Variants in NACA observed in about 807,000 individuals in gnomAD.
NACA encodes nascent polypeptide associated complex subunit alpha.
NACA carries 42 observed loss-of-function variants against 86.4 expected under a neutral mutation model. That is an observed-to-expected ratio of 0.49 (90% CI 0.38 to 0.63). The LOEUF (loss-of-function observed/expected upper bound fraction) is 0.63. NACA is among the 20% of genes least tolerant of loss of function. The pLI is 0.00. For synonymous variants in NACA, 898 were observed against 973.7 expected, an observed-to-expected ratio of 0.92 and a Z score of 1.45; for missense variants, 2,157 against 2,483.6, an observed-to-expected ratio of 0.87 and a Z score of 2.80.
chr12:56,714,725 A>C, intron 3 of NACA, 38 bp from the exon 4 acceptor site: 1 of 1,586,436 alleles, frequency 6.3e-7, no homozygotes. Context: ...TTATAGTAGA[A>C]ATTATAAGAG....
chr12:56,721,905 ACT>A (rs1220727440), intron 2 of NACA, among the ~76,000 whole-genome samples: 3 of 152,292 alleles, frequency 2.0e-5, no homozygotes, highest in Middle Eastern at 3.4e-3. Context: ...CAGCTGTGCT[ACT>A]CTGTCCACCC....
chr12:56,719,485 G>A lies in NACA; in HGVS notation c.2045C>T (p.Ser682Phe), dbSNP rs777704916. The A allele has an allele frequency of 1.3e-5, 21 of 1,613,912 alleles. No homozygotes were observed. The highest frequency in any genetic ancestry group is 1.8e-5 in the Non-Finnish European group (21 of 1,179,854). Residue 682 changes from serine (S) to phenylalanine (F), a missense_variant, in exon 3 of 9, where the codon TCT (serine) becomes TTT (phenylalanine). By Grantham distance (155) the Ser-to-Phe change is radical. This residue lies in a region of NACA where 947 missense variants were observed against 917.9 expected (regional missense o/e 1.03). Transcript: ENST00000454682. ...AACTGGGTGGTTTTTAGGAGCTAAA[G>A]AGACAGTTCCTTCTAGAAAAGGGCT... ...TASPFLEGTV[S>F]LAPKNHPVKE... is the part of the protein sequence containing the mutation.
chr12:56,716,909 T>G lies in NACA; in HGVS notation c.4621A>C (p.Thr1541Pro). The G allele has an allele frequency of 2.3e-6, 3 of 1,309,308 alleles. No individual in the cohort carries two copies. Among genetic ancestry groups the G allele is most frequent in the Non-Finnish European group, 2.0e-6 (2 of 1,009,522 alleles). The allele number at this position is 1,309,308 out of a possible 1,614,324, so 81.1% of individuals were successfully genotyped here. ...ATGAGGGCCTCTTTGGGGGCTAGAG[T>G]TGCTGGGGTCTTTTTAGAGAGAAGA... Reference protein sequence around the residue: ...ATLLSKKTPATLAPKEALIPP... With the variant: ...ATLLSKKTPAPLAPKEALIPP... Residue 1541 changes from threonine (T) to proline (P), a missense_variant, in exon 3 of 9, where the codon ACT becomes CCT. Thr to Pro is a conservative substitution (Grantham distance 38). Transcript: ENST00000454682.
Position 56,717,180 on chromosome 12 carries a change from TGAA to T in NACA, c.4347_4349del (p.Ser1450del), listed in dbSNP as rs759613700. 16 of 1,265,508 alleles carry T rather than the reference TGAA, an allele frequency of 1.3e-5. No individual in the cohort carries two copies. The highest frequency in any genetic ancestry group is 3.2e-5 in the Admixed American group (1 of 31,384). The allele number at this position is 1,265,508 out of a possible 1,614,324, so 78.4% of individuals were successfully genotyped here. On this transcript the variant is annotated inframe_deletion, in exon 3 of 9. Transcript: ENST00000454682. ...GGGTAGCTGGGCCTCCTTTGGGGGCTGAAGTTGCTGGGGCCTTTTTGAGGGAGA... is the reference window on the plus strand; with the variant it reads ...GGGTAGCTGGGCCTCCTTTGGGGGCTGTTGCTGGGGCCTTTTTGAGGGAGA...
In NACA at chr12:56,721,034, C is replaced by T; in HGVS notation, c.496G>A (p.Val166Ile). 6.2e-7 allele frequency: 1 copy of T among 1,613,970 alleles called. No individual in the cohort carries two copies. The highest frequency in any genetic ancestry group is 2.2e-5 in the East Asian group (1 of 44,884). Residue 166 changes from valine to isoleucine, a missense_variant, in exon 3 of 9, where the codon GTA becomes ATA. Transcript: ENST00000454682. ...GTTATCACTGACCCTGACTCAGCTACAGCCACTGAAGGAGGTGAAGTAAGA... is the reference window on the plus strand; with the variant it reads ...GTTATCACTGACCCTGACTCAGCTATAGCCACTGAAGGAGGTGAAGTAAGA... ...NLLTSPPSVAVAESGSVITLS... is the reference protein window; with the variant it reads ...NLLTSPPSVAIAESGSVITLS...
chr12:56,724,769 C>T (rs1953667208), intron 1 of NACA: 1 of 507,832 alleles, frequency 2.0e-6, no homozygotes, highest in Non-Finnish European at 3.5e-6. Flanking sequence ...CGGGCTGGCT[C>T]TCGATCATGG....
chr12:56,717,546 G>C lies in NACA; in HGVS notation c.3984C>G (p.Pro1328=). The C allele has an allele frequency of 1.5e-6, 2 of 1,303,184 alleles. No homozygotes were observed. The highest frequency in any genetic ancestry group is 2.0e-6 in the Non-Finnish European group (2 of 1,004,626). The allele number at this position is 1,303,184 out of a possible 1,614,324, so 80.7% of individuals were successfully genotyped here. The change falls in exon 3 of 9, where the codon CCC becomes CCG. Residue 1328 remains proline (P), a synonymous_variant. Transcript: ENST00000454682. ...CTGGGGGAGTGGGGGCCCCTTTGGGGGGTGGGGTACCTGGGCTTCCTTTTG... is the reference window on the plus strand; with the variant it reads ...CTGGGGGAGTGGGGGCCCCTTTGGGCGGTGGGGTACCTGGGCTTCCTTTTG... ...PSPKGSPGTP[P]PKGAPTPPAV...
chr12:56,720,593 G>T lies in NACA; in HGVS notation c.937C>A (p.His313Asn), dbSNP rs765729639. 16 of 1,613,872 alleles carry T rather than the reference G, an allele frequency of 9.9e-6. No homozygotes were observed. The South Asian group carries it at 1.8e-4, about 18-fold the overall frequency. Residue 313 changes from histidine to asparagine, a missense_variant, in exon 3 of 9, where the codon CAT becomes AAT. Around this residue, in one of 8 missense-constraint regions of NACA, gnomAD observed 947 missense variants for 917.9 expected, o/e 1.03. Coordinates refer to ENST00000454682, the MANE Select transcript of NACA (RefSeq NM_001365896.1). ...TGGACAGAACCAAAAGAACTCTGAT[G>T]TAAAGGTGCAAGATGAGAGCCCAGA... ...ISLGSHLAPL[H>N]QSSFGSVQLL...
chr12:56,716,440 G>C lies in NACA; in HGVS notation c.5090C>G (p.Thr1697Arg), dbSNP rs1953365585. 1 of 1,582,654 alleles carries C rather than the reference G, an allele frequency of 6.3e-7. No individual in the cohort carries two copies. The highest frequency in any genetic ancestry group is 1.1e-5 in the South Asian group (1 of 89,982). ...APAPESTPII[T>R]APTRKGPQTK... The stretch of plus-strand genomic sequence containing the variant: ...CTGTGGACCTTTCCGAGTGGGAGCT[G>C]TGATGATTGGCGTGCTTTCTGGAGC... Residue 1697 changes from threonine to arginine, a missense_variant, in exon 3 of 9, where the codon ACA becomes AGA. Thr to Arg is a moderately conservative substitution (Grantham distance 71, BLOSUM62 -1). Coordinates refer to ENST00000454682, the MANE Select transcript of NACA (RefSeq NM_001365896.1).
chr12:56,724,366 A>G (rs1953652391), intron 2 of NACA, 86 bp downstream of exon 2: 1 of 1,371,064 alleles, frequency 7.3e-7, no homozygotes, highest in Non-Finnish European at 1.0e-6. Context: ...ATCCTCCTAA[A>G]AAGTGTATTT....
Position 56,720,765 on chromosome 12 carries a change from C to G in NACA, c.765G>C (p.Leu255=). ...GGCTTCCTGGGTTTTGTGGAGAAAT[C>G]AGAACTGAGGAAATGGTGGTATCTT... ...QVKDTTISSV[L]ISPQNPGSLS... is the part of the protein sequence containing the mutation. Residue 255 remains leucine, a synonymous_variant, in exon 3 of 9, where the codon CTG becomes CTC. Transcript: ENST00000454682. 1.2e-6 allele frequency: 2 copies of G among 1,613,924 alleles called. No homozygotes were observed. The highest frequency in any genetic ancestry group is 1.1e-5 in the South Asian group (1 of 91,074).
In NACA at chr12:56,717,481, G is replaced by C; in HGVS notation, c.4049C>G (p.Pro1350Arg). 7.3e-7 allele frequency: 1 copy of C among 1,369,578 alleles called. No individual in the cohort carries two copies. The highest frequency in any genetic ancestry group is 2.3e-5 in the Admixed American group (1 of 43,364). The allele number at this position is 1,369,578 out of a possible 1,614,324, so 84.8% of individuals were successfully genotyped here. ...TCCTTTAGAGGAGGGAGTTGTAGCT[G>C]GGAGAGTAGGGGTCCCTTTAGGGGA... is the stretch of plus-strand genomic sequence containing the variant. Reference protein sequence around the residue: ...PPSPKGTPTLPATTPSSKGGP... With the variant: ...PPSPKGTPTLRATTPSSKGGP... Residue 1350 changes from proline (P) to arginine (R), a missense_variant, in exon 3 of 9, where the codon CCA becomes CGA. By Grantham distance (103) the Pro-to-Arg change is moderately radical. Transcript: ENST00000454682.
chr12:56,714,215 AG>A, intron 5 of NACA, 146 bp downstream of exon 5: 1 of 680,360 alleles, frequency 1.5e-6, no homozygotes, highest in Non-Finnish European at 2.5e-6. Context: ...CTTGGGTGAC[AG>A]GTGCACCAAA....
In NACA at chr12:56,720,149, T is replaced by C. The variant is rs1464731291; in HGVS notation, c.1381A>G (p.Thr461Ala). The C allele has an allele frequency of 3.1e-6, 5 of 1,613,864 alleles. No homozygotes were observed. Among genetic ancestry groups the C allele is most frequent in the Non-Finnish European group, 4.2e-6 (5 of 1,179,836 alleles). Residue 461 changes from threonine (T) to alanine (A), a missense_variant, in exon 3 of 9, where the codon ACT becomes GCT. Around this residue, in one of 8 missense-constraint regions of NACA, gnomAD observed 947 missense variants for 917.9 expected, o/e 1.03. Transcript: ENST00000454682. Reference sequence around the variant, plus strand: ...GATGACATTGGAGGAGAAACACAAGTAGCTACCTCAAAGGTAGTAGTAGGT... The same window carrying C: ...GATGACATTGGAGGAGAAACACAAGCAGCTACCTCAAAGGTAGTAGTAGGT... ...AAPTTTFEVATCVSPPMSSGP... is the reference protein window; with the variant it reads ...AAPTTTFEVAACVSPPMSSGP...
rs751009393 is a variant in NACA at position 56,720,478 on chromosome 12, G to C, written c.1052C>G (p.Pro351Arg). Reference protein sequence around the residue: ...VDHSSTGASYPSQRSVIPPLP... With the variant: ...VDHSSTGASYRSQRSVIPPLP... ...GGGAGGAATTACAGATCTCTGAGAA[G>C]GATAAGAGGCCCCTGTGGAAGAATG... Residue 351 changes from proline to arginine, a missense_variant, in exon 3 of 9, where the codon CCT becomes CGT. By Grantham distance (103) the Pro-to-Arg change is moderately radical. Transcript: ENST00000454682. 10 of 1,613,618 alleles carry C rather than the reference G, an allele frequency of 6.2e-6. No individual in the cohort carries two copies. Among genetic ancestry groups the C allele is most frequent in the Non-Finnish European group, 7.6e-6 (9 of 1,179,748 alleles).
Position 56,717,025 on chromosome 12 carries a change from G to A in NACA, c.4505C>T (p.Ala1502Val). The change falls in exon 3 of 9, where the codon GCC (alanine) becomes GTC (valine). Residue 1502 changes from alanine to valine, a missense_variant. By Grantham distance (64) the Ala-to-Val change is moderately conservative. Coordinates refer to ENST00000454682, the MANE Select transcript of NACA (RefSeq NM_001365896.1). Reference protein sequence around the residue: ...KAPATPAPMGAPTLPAVIPSS... With the variant: ...KAPATPAPMGVPTLPAVIPSS... ...AGGAATCACAGCTGGCAGAGTGGGG[G>A]CCCCCATGGGGGCTGGAGTTGCTGG... 1 of 1,275,000 alleles carries A rather than the reference G, an allele frequency of 7.8e-7. No individual in the cohort carries two copies. The highest frequency in any genetic ancestry group is 3.8e-5 in the East Asian group (1 of 26,408). 79.0% of individuals were successfully genotyped at this position (1,275,000 alleles called of 1,614,324 possible).
At position 56,720,056 on chromosome 12, in the gene NACA, C is replaced by T; in HGVS notation, c.1474G>A (p.Glu492Lys). 6.2e-7 allele frequency: 1 copy of T among 1,613,586 alleles called. No homozygotes were observed. The highest frequency in any genetic ancestry group is 8.5e-7 in the Non-Finnish European group (1 of 1,179,792). Residue 492 changes from glutamate (E) to lysine (K), a missense_variant, in exon 3 of 9, where the codon GAG (glutamate) becomes AAG (lysine). This residue lies in a region of NACA where 947 missense variants were observed against 917.9 expected (regional missense o/e 1.03). Transcript: ENST00000454682. The part of the protein sequence containing the change: ...ALVMAPVAPK[E>K]PSTQVATTLR... ...GTGGTTGCTACTTGAGTAGAAGGCTCTTTGGGAGCCACAGGTGCCATAACC... is the reference window on the plus strand; with the variant it reads ...GTGGTTGCTACTTGAGTAGAAGGCTTTTTGGGAGCCACAGGTGCCATAACC...
At chr12:56,721,546 T>A (rs1953577463) in intron 2 of NACA, 87 bp from the exon 3 acceptor site, 1 of 810,772 alleles carries the variant, frequency 1.2e-6, no homozygotes, top group Non-Finnish European at 1.8e-6. Context: ...ACAACATGCC[T>A]CCTAGGAAAC....
chr12:56,716,504 T>C lies in NACA; in HGVS notation c.5026A>G (p.Lys1676Glu), dbSNP rs1308531494. ...ACTTCTTTCAGAGCTGTGGGGCCTT[T>C]CTTTGCTGGAAGCCCTTTAGATGCT... ...PQASKGLPAK[K>E]GPTALKEVLV... The change falls in exon 3 of 9, where the codon AAA becomes GAA. Residue 1676 changes from lysine (K) to glutamate (E), a missense_variant. Transcript: ENST00000454682. 8 of 1,511,362 alleles carry C rather than the reference T, an allele frequency of 5.3e-6. No individual in the cohort carries two copies. Among genetic ancestry groups the C allele is most frequent in the Non-Finnish European group, 6.3e-6 (7 of 1,115,250 alleles). 93.6% of individuals were successfully genotyped at this position (1,511,362 alleles called of 1,614,324 possible).
Sources: allele counts gnomAD v4.1 joint callset (sites outside exome capture counted in the v4.1 genomes callset), GRCh38; gene constraint gnomAD v4.1.1; regional missense constraint gnomAD v4.1.1; transcripts MANE v1.5; gene names NCBI Gene and HGNC (gene_info 2026-07-23, HGNC 2026-07-21).